EGFR: variants seen among roughly 807,000 people sequenced by gnomAD.
The protein encoded by EGFR is avian erythroblastic leukemia viral (v-erb-b) oncogene homolog.
A neutral mutation model predicts 143.0 loss-of-function variants in EGFR; 58 were observed. That is an observed-to-expected ratio of 0.41 (90% CI 0.33 to 0.50). EGFR has a LOEUF of 0.50. EGFR is among the 20% of genes least tolerant of loss of function. EGFR has a pLI of 0.39. For missense variants in EGFR, 1,307 were observed against 1,579.0 expected (o/e 0.83, Z 2.92); for synonymous variants, 613 against 594.4 (o/e 1.03, Z -0.45).
At chr7:55,106,302 C>A (rs17289385) in intron 1 of EGFR, among the ~76,000 whole-genome samples, 1 of 152,210 alleles carries the variant, frequency 6.6e-6, no homozygotes, top group Non-Finnish European at 1.5e-5. Flanking sequence ...GTCTGTAGGG[C>A]CCCTCGCCCT....
chr7:55,070,899 C>T (rs183918329), intron 1 of EGFR, among the ~76,000 whole-genome samples: 100 of 152,380 alleles, frequency 6.6e-4, no homozygotes, highest in African/African-American at 2.2e-3. Context: ...ATAAAGCCGG[C>T]AGATCCTAGG....
intron 4 of EGFR, among the ~76,000 whole-genome samples, chr7:55,148,927 T>G (rs1356025579): frequency 6.6e-6 from 1 of 152,190 alleles, no homozygotes; most frequent in African/African-American, 2.4e-5. Flanking sequence ...CAGAAAAATT[T>G]CACAGTGTGC....
intron 1 of EGFR, among the ~76,000 whole-genome samples, chr7:55,031,596 GAC>G (rs1167458294): frequency 1.3e-5 from 2 of 152,204 alleles, no homozygotes; most frequent in Non-Finnish European, 2.9e-5. Context: ...CTTATCACAT[GAC>G]AGAGTTCTTG....
In EGFR at chr7:55,140,095, T is replaced by C. The variant is rs146351067; in HGVS notation, c.89-2191T>C. Among the ~76,000 whole-genome samples, 638 of 151,960 alleles carry C rather than the reference T, an allele frequency of 4.2e-3. 4 individuals are homozygous for C. Among genetic ancestry groups the C allele is most frequent in the African/African-American group, 0.014 (566 of 41,518 alleles). On this transcript the variant is annotated intron_variant, in intron 1 of 27. Transcript: ENST00000275493. ...ATTTAGCACTTTTTGAATAAATAAA[T>C]AAAAGCACAAGTACAGTTTTTTTAA...
chr7:55,186,141 A>G (rs549938670), intron 20 of EGFR, among the ~76,000 whole-genome samples: 13 of 152,248 alleles, frequency 8.5e-5, no homozygotes, highest in Non-Finnish European at 1.3e-4. Context: ...AACCACGCTG[A>G]CAGATCGTGC....
At chr7:55,192,102 T>A (rs1311494680) in intron 21 of EGFR, among the ~76,000 whole-genome samples, 1 of 152,154 alleles carries the variant, frequency 6.6e-6, no homozygotes, top group Non-Finnish European at 1.5e-5. Flanking sequence ...GAGGATGTTA[T>A]CCCCAGGTGA....
chr7:55,101,377 C>T (rs1004069760), intron 1 of EGFR, among the ~76,000 whole-genome samples: 1 of 152,220 alleles, frequency 6.6e-6, no homozygotes, highest in Admixed American at 6.5e-5. Flanking sequence ...TTCTTTCTGT[C>T]GCTCTATTTA....
intron 7 of EGFR, among the ~76,000 whole-genome samples, chr7:55,155,446 A>G (rs1382915625): frequency 2.6e-5 from 4 of 152,252 alleles, no homozygotes; most frequent in Non-Finnish European, 5.9e-5. Context: ...CATCTCAGAC[A>G]AACAAAAAAG....
intron 19 of EGFR, 43 bp downstream of exon 19, chr7:55,174,863 C>T (rs2128954998): frequency 6.7e-7 from 1 of 1,492,754 alleles, no homozygotes; most frequent in South Asian, 1.1e-5. Flanking sequence ...GGCTCTGAAC[C>T]TCAGGCCCAC....
At chr7:55,142,459 A>G in intron 2 of EGFR, 22 bp downstream of exon 2, 1 of 1,613,000 alleles carries the variant, frequency 6.2e-7, no homozygotes, top group South Asian at 1.1e-5. Flanking sequence ...TGATTTTCCT[A>G]CACAAATAAA....
At chr7:55,170,186 C>A in intron 15 of EGFR, 3 of 1,551,640 alleles carry the variant, frequency 1.9e-6, no homozygotes, top group Non-Finnish European at 2.6e-6. Flanking sequence ...TTAAGAAGAG[C>A]AGTGTAGAGA....
chr7:55,157,306 T>C (rs1295405047), intron 10 of EGFR, among the ~76,000 whole-genome samples: 2 of 152,160 alleles, frequency 1.3e-5, no homozygotes, highest in African/African-American at 4.8e-5. Flanking sequence ...ATAAGGAAAA[T>C]TTGTAAAGCT....
In EGFR at chr7:55,205,853, T is replaced by A; in HGVS notation, c.*236T>A. On this transcript the variant is annotated 3_prime_UTR_variant, in exon 28 of 28. Transcript: ENST00000275493. ...TTTACAGAAACGCATCCAGCAAGAA[T>A]ATTGTCCCTTTGAGCAGAAATTTAT... 3.4e-6 allele frequency: 2 copies of A among 590,632 alleles called. No individual in the cohort carries two copies. The highest frequency in any genetic ancestry group is 6.0e-6 in the Non-Finnish European group (2 of 335,704). 36.6% of individuals were successfully genotyped at this position (590,632 alleles called of 1,614,324 possible).
At chr7:55,061,930 G>A (rs1284782856) in intron 1 of EGFR, among the ~76,000 whole-genome samples, 1 of 152,178 alleles carries the variant, frequency 6.6e-6, no homozygotes. Flanking sequence ...TTCATCAAAG[G>A]ACCAAGCGCT....
intron 1 of EGFR, among the ~76,000 whole-genome samples, chr7:55,098,845 C>T (rs1411672048): frequency 2.6e-5 from 4 of 152,250 alleles, no homozygotes; most frequent in Middle Eastern, 3.4e-3. Flanking sequence ...AGTATGTGAA[C>T]CAGTAAACCC....
intron 1 of EGFR, among the ~76,000 whole-genome samples, chr7:55,049,943 C>T (rs1002272096): frequency 6.6e-6 from 1 of 152,168 alleles, no homozygotes; most frequent in Non-Finnish European, 1.5e-5. Context: ...TGGCATCTGG[C>T]ATCACCTTCA....
intron 1 of EGFR, among the ~76,000 whole-genome samples, chr7:55,027,280 C>T (rs906041147): frequency 6.6e-6 from 1 of 152,134 alleles, no homozygotes; most frequent in Non-Finnish European, 1.5e-5. Flanking sequence ...ACTAATTCAG[C>T]CTCTGTGACA....
At chr7:55,159,223 C>T (rs2128940676) in intron 11 of EGFR, among the ~76,000 whole-genome samples, 1 of 152,254 alleles carries the variant, frequency 6.6e-6, no homozygotes, top group African/African-American at 2.4e-5. Flanking sequence ...GCTGGTGGTT[C>T]TCACACCCAT....
intron 1 of EGFR, among the ~76,000 whole-genome samples, chr7:55,075,503 CA>C (rs1407334971): frequency 3.3e-5 from 5 of 152,174 alleles, no homozygotes; most frequent in Non-Finnish European, 7.4e-5. Context: ...ACAAATTTAC[CA>C]ATCTGAATTT....
Sources: allele counts gnomAD v4.1 joint callset (sites outside exome capture counted in the v4.1 genomes callset), GRCh38; gene constraint gnomAD v4.1.1; transcripts MANE v1.5; gene names NCBI Gene and HGNC (gene_info 2026-07-23, HGNC 2026-07-21).